Variants in TENM3 observed in about 807,000 individuals in gnomAD.
The protein encoded by TENM3 is teneurin-3.
A neutral mutation model predicts 255.1 loss-of-function variants in TENM3; 63 were observed. The observed-to-expected ratio is 0.25, with a 90% CI of 0.20 to 0.30. The LOEUF (loss-of-function observed/expected upper bound fraction) is 0.30, where lower values mean the gene tolerates loss of function less well. TENM3 is among the 10% of genes least tolerant of loss of function. The pLI is 1.00. For synonymous variants in TENM3, 1,306 were observed against 1,322.3 expected (o/e 0.99, Z 0.27); for missense variants, 2,929 against 3,461.1 (o/e 0.85, Z 3.86).
At chr4:182,262,587 A>G (rs990538840) in intron 1 of TENM3, among the ~76,000 whole-genome samples, 3 of 152,148 alleles carry the variant, frequency 2.0e-5, no homozygotes, top group African/African-American at 7.2e-5. Context: ...CCCATGGTCT[A>G]AAAAGGGGAG....
chr4:182,755,136 G>A lies in TENM3; in HGVS notation c.4769G>A (p.Gly1590Glu). The A allele has an allele frequency of 6.2e-7, 1 of 1,613,978 alleles. No individual in the cohort carries two copies. The highest frequency in any genetic ancestry group is 8.5e-7 in the Non-Finnish European group (1 of 1,179,894). ...PDNQVIWLTI[G>E]TNGCLKSMTA... is the part of the protein sequence containing the mutation. ...AACCAAGTGATATGGTTGACAATAG[G>A]AACAAATGGATGTTTGAAAAGCATG... Residue 1590 changes from glycine to glutamate, a missense_variant, in exon 22 of 28, where the codon GGA (glycine) becomes GAA (glutamate). Coordinates refer to ENST00000511685, the MANE Select transcript of TENM3 (RefSeq NM_001080477.4).
At chr4:182,175,489 GA>G (rs895774253) in intron 1 of TENM3, among the ~76,000 whole-genome samples, 1 of 152,024 alleles carries the variant, frequency 6.6e-6, no homozygotes, top group African/African-American at 2.4e-5. Flanking sequence ...AGTGCTACCA[GA>G]ATGAAGGGGC....
At chr4:181,502,741 C>T in the TENM3 span, among the ~76,000 whole-genome samples, 1 of 152,088 alleles carries the variant, frequency 6.6e-6, no homozygotes, top group Non-Finnish European at 1.5e-5. Context: ...GTAGCTAAGC[C>T]AGTCCCTGCT....
intron 1 of TENM3, among the ~76,000 whole-genome samples, chr4:182,202,698 G>A (rs911099320): frequency 6.6e-6 from 1 of 152,148 alleles, no homozygotes; most frequent in Non-Finnish European, 1.5e-5. Flanking sequence ...TCTTGCTGCT[G>A]GGTTTGCAGG....
intron 6 of TENM3, among the ~76,000 whole-genome samples, chr4:182,656,431 C>T (rs901658388): frequency 1.3e-5 from 2 of 152,106 alleles, no homozygotes; most frequent in Admixed American, 6.5e-5. Context: ...TTCTTAAAGA[C>T]CTGGGGCACA....
intron 1 of TENM3, among the ~76,000 whole-genome samples, chr4:182,321,343 G>A (rs760271448): frequency 3.3e-5 from 5 of 152,046 alleles, no homozygotes; most frequent in Non-Finnish European, 5.9e-5. Context: ...TAACTTCTTG[G>A]GGCCGGGCGC....
At chr4:181,506,606 G>A in the TENM3 span, among the ~76,000 whole-genome samples, 2 of 151,494 alleles carry the variant, frequency 1.3e-5, no homozygotes, top group African/African-American at 4.8e-5. Flanking sequence ...GGCCAGAAAT[G>A]GACATTCCCT....
At chr4:182,043,053 T>C in the TENM3 span, among the ~76,000 whole-genome samples, 4 of 152,186 alleles carry the variant, frequency 2.6e-5, no homozygotes, top group African/African-American at 7.2e-5. Context: ...CAACTACTAT[T>C]GTTTTATTTT....
chr4:182,590,873 A>G (rs2152387404), intron 3 of TENM3, among the ~76,000 whole-genome samples: 1 of 151,840 alleles, frequency 6.6e-6, no homozygotes, highest in Admixed American at 6.5e-5. Flanking sequence ...ACAAAAAACC[A>G]GAAAAAAGAA....
At chr4:181,752,050 T>G in the TENM3 span, among the ~76,000 whole-genome samples, 5 of 152,306 alleles carry the variant, frequency 3.3e-5, no homozygotes, top group South Asian at 8.3e-4. Context: ...ATTTGCTGCT[T>G]TTAAACTCGT....
At chr4:182,315,363 C>T (rs980509311) in intron 1 of TENM3, among the ~76,000 whole-genome samples, 1 of 151,400 alleles carries the variant, frequency 6.6e-6, no homozygotes, top group African/African-American at 2.4e-5. Flanking sequence ...ATTTATTTCA[C>T]CTTCATTTTT....
At chr4:182,755,333 T>A in intron 22 of TENM3, 74 bp downstream of exon 22, 1 of 1,278,880 alleles carries the variant, frequency 7.8e-7, no homozygotes, top group Non-Finnish European at 1.0e-6. Flanking sequence ...AACAATATAA[T>A]CTTAAGAGCT....
At chr4:181,495,816 A>G in the TENM3 span, among the ~76,000 whole-genome samples, 4 of 151,652 alleles carry the variant, frequency 2.6e-5, no homozygotes, top group Non-Finnish European at 5.9e-5. Flanking sequence ...ATAAATACCC[A>G]TTATCTAAGG....
chr4:181,605,129 A>C, the TENM3 span, among the ~76,000 whole-genome samples: 2 of 151,990 alleles, frequency 1.3e-5, no homozygotes, highest in Non-Finnish European at 1.5e-5. Context: ...TAAAGAAAGA[A>C]ATACGTAAGG....
the TENM3 span, among the ~76,000 whole-genome samples, chr4:181,643,455 C>G: frequency 6.6e-6 from 1 of 152,202 alleles, no homozygotes. Flanking sequence ...ATTTGACTTC[C>G]TCTTTTCCTA....
chr4:181,668,237 C>A, the TENM3 span, among the ~76,000 whole-genome samples: 2 of 152,190 alleles, frequency 1.3e-5, no homozygotes, highest in Non-Finnish European at 2.9e-5. Context: ...GTCTGTCTGG[C>A]TTTCATGTTC....
intron 3 of TENM3, among the ~76,000 whole-genome samples, chr4:182,520,412 G>A (rs1472570018): frequency 2.0e-5 from 3 of 152,184 alleles, no homozygotes. Context: ...CAAGCCCATA[G>A]ATGTGTATGT....
chr4:182,074,580 A>C, the TENM3 span, among the ~76,000 whole-genome samples: 1 of 152,218 alleles, frequency 6.6e-6, no homozygotes, highest in African/African-American at 2.4e-5. Flanking sequence ...AAAAGCACAA[A>C]CAAAAGCTAT....
At chr4:181,573,862 A>G in the TENM3 span, among the ~76,000 whole-genome samples, 1 of 152,180 alleles carries the variant, frequency 6.6e-6, no homozygotes, top group Non-Finnish European at 1.5e-5. Flanking sequence ...TGCTGGTACA[A>G]GTATATTCTT....
Sources: allele counts gnomAD v4.1 joint callset (sites outside exome capture counted in the v4.1 genomes callset), GRCh38; gene constraint gnomAD v4.1.1; transcripts MANE v1.5; gene names NCBI Gene and HGNC (gene_info 2026-07-23, HGNC 2026-07-21).